The following TRPM7 variants were observed in gnomAD, a reference collection of about 807,000 sequenced individuals.
TRPM7 encodes the protein transient receptor potential cation channel subfamily M member 7, also known as LTRPC ion channel family member 7.
In TRPM7, 134 loss-of-function variants were observed where a neutral mutation model predicts 229.7. That is an observed-to-expected ratio of 0.58 (90% CI 0.51 to 0.67). The LOEUF (loss-of-function observed/expected upper bound fraction) is 0.67. Among genes scored for constraint, TRPM7 ranks in the 30% least tolerant of loss-of-function variants. The pLI is 0.00. For synonymous variants in TRPM7, 699 were observed against 715.2 expected, an observed-to-expected ratio of 0.98 and a Z score of 0.36; for missense variants, 1,901 against 2,210.0, an observed-to-expected ratio of 0.86 and a Z score of 2.80.
intron 6 of TRPM7, 42 bp downstream of exon 6, chr15:50,639,382 C>A: frequency 6.8e-7 from 1 of 1,478,720 alleles, no homozygotes; most frequent in Non-Finnish European, 9.1e-7. Context: ...ATTTTGTTTA[C>A]ATATAATTTC....
chr15:50,584,827 G>T (rs906520512), intron 28 of TRPM7, among the ~76,000 whole-genome samples: 2 of 151,842 alleles, frequency 1.3e-5, no homozygotes, highest in Non-Finnish European at 2.9e-5. Flanking sequence ...TAAATACTGA[G>T]AATTCTTTTT....
At chr15:50,607,372 A>G (rs1260865632) in intron 19 of TRPM7, 44 bp from the exon 20 acceptor site, 3 of 1,451,688 alleles carry the variant, frequency 2.1e-6, no homozygotes, top group Admixed American at 2.4e-5. Flanking sequence ...TGGTTACAAA[A>G]TAAATCTTTT....
rs78435257 is a variant in TRPM7 at position 50,580,924 on chromosome 15, A to C, written c.4558-16T>G. On this transcript the variant is annotated splice_polypyrimidine_tract_variant and intron_variant, in intron 29 of 38. Transcript: ENST00000646667. ...GTAACCAATCCTTCAGTAAAAAAAA[A>C]ACACACACACACAAAAACCTTAAAG... The C allele has an allele frequency of 3.5e-4, 544 of 1,570,832 alleles. 1 individual carries two copies. In the African/African-American group the frequency reaches 5.0e-3, roughly 14 times the overall value.
At chr15:50,628,827 T>C (rs1285141899) in intron 10 of TRPM7, among the ~76,000 whole-genome samples, 1 of 152,214 alleles carries the variant, frequency 6.6e-6, no homozygotes, top group Non-Finnish European at 1.5e-5. Context: ...GAGATAGCGC[T>C]ATTAGGATTC....
chr15:50,633,661 T>G (rs547624390), intron 8 of TRPM7, among the ~76,000 whole-genome samples: 2 of 152,334 alleles, frequency 1.3e-5, no homozygotes, highest in East Asian at 3.9e-4. Flanking sequence ...TATAAACCAT[T>G]TCTTTGTATA....
At chr15:50,636,765 C>T (rs1346821951) in intron 7 of TRPM7, among the ~76,000 whole-genome samples, 2 of 152,274 alleles carry the variant, frequency 1.3e-5, no homozygotes, top group South Asian at 2.1e-4. Flanking sequence ...TTATTTCTTT[C>T]AGTGATTTTT....
chr15:50,574,754 AT>A, intron 34 of TRPM7, 35 bp from the exon 35 acceptor site: 1 of 1,592,480 alleles, frequency 6.3e-7, no homozygotes, highest in Non-Finnish European at 8.6e-7. Flanking sequence ...CCCTTGTTTA[AT>A]ATTTAAACTA....
chr15:50,678,671 G>A (rs1050805329), intron 1 of TRPM7, among the ~76,000 whole-genome samples: 7 of 151,894 alleles, frequency 4.6e-5, no homozygotes, highest in African/African-American at 1.7e-4. Context: ...CCCTATGAGA[G>A]TTTTAAAGAT....
At chr15:50,660,010 A>G (rs1179160505) in intron 2 of TRPM7, among the ~76,000 whole-genome samples, 1 of 152,156 alleles carries the variant, frequency 6.6e-6, no homozygotes, top group East Asian at 1.9e-4. Flanking sequence ...ATTTCTCCGG[A>G]AGAAAAATGG....
intron 20 of TRPM7, 73 bp downstream of exon 20, chr15:50,607,127 C>A: frequency 3.5e-6 from 5 of 1,439,524 alleles, no homozygotes; most frequent in Middle Eastern, 1.8e-4. Context: ...TACGTATACA[C>A]CCAAAACAAA....
At chr15:50,593,824 T>G (rs1055820807) in intron 24 of TRPM7, 75 bp from the exon 25 acceptor site, 1 of 1,435,680 alleles carries the variant, frequency 7.0e-7, no homozygotes. Flanking sequence ...TTCTTACGAA[T>G]TATTCAGGGT....
rs752951879 is a variant in TRPM7 at position 50,632,967 on chromosome 15, C to T, written c.1033G>A (p.Asp345Asn). The T allele has an allele frequency of 1.9e-6, 3 of 1,595,484 alleles. No individual in the cohort carries two copies. In the South Asian group the frequency reaches 3.4e-5, roughly 18 times the overall value. Residue 345 changes from aspartate (D) to asparagine (N), a missense_variant, in exon 9 of 39, where the codon GAT becomes AAT. Physicochemically the swap from Asp to Asn is conservative, Grantham distance 23 (BLOSUM62 1). Around this residue, in one of 8 missense-constraint regions of TRPM7, gnomAD observed 794 missense variants for 881.9 expected, o/e 0.90. Transcript: ENST00000646667. ...GTTTTTTTGATAGTGGAAATAATATCGGGCTCTGCTGCATCAGGAAGATTC... is the reference window on the plus strand; with the variant it reads ...GTTTTTTTGATAGTGGAAATAATATTGGGCTCTGCTGCATCAGGAAGATTC... ...GGNLPDAAEP[D>N]IISTIKKTFN...
chr15:50,560,609 A>C lies in TRPM7; in HGVS notation c.*1069T>G, dbSNP rs1337794710. On this transcript the variant is annotated 3_prime_UTR_variant, in exon 39 of 39. Coordinates refer to ENST00000646667, the MANE Select transcript of TRPM7 (RefSeq NM_017672.6). Reference sequence around the variant, plus strand: ...TTTTCTTGTTATTGTTGAATATTCAACAATATCTGGGGCTGTTAAATTACA... The same window carrying C: ...TTTTCTTGTTATTGTTGAATATTCACCAATATCTGGGGCTGTTAAATTACA... 1 of 152,626 alleles carries C rather than the reference A, an allele frequency of 6.6e-6. No homozygotes were observed. Among genetic ancestry groups the C allele is most frequent in the Admixed American group, 6.5e-5 (1 of 15,278 alleles). 9.5% of individuals were successfully genotyped at this position (152,626 alleles called of 1,614,324 possible). A position where few individuals can be genotyped will look rare whatever the true frequency, so the allele number is the denominator to read the frequency against.
intron 38 of TRPM7, among the ~76,000 whole-genome samples, chr15:50,564,047 G>T (rs1308676156): frequency 6.6e-6 from 1 of 151,838 alleles, no homozygotes; most frequent in African/African-American, 2.4e-5. Flanking sequence ...TTTTAGTAGA[G>T]ACTGGTTTTT....
At chr15:50,570,793 T>G (rs533913009) in intron 36 of TRPM7, among the ~76,000 whole-genome samples, 1 of 150,656 alleles carries the variant, frequency 6.6e-6, no homozygotes, top group African/African-American at 2.5e-5. Flanking sequence ...AGGCGGAGGT[T>G]GCAGTGAGCC....
chr15:50,604,915 A>G lies in TRPM7; in HGVS notation c.2939T>C (p.Leu980Pro). 1.2e-6 allele frequency: 2 copies of G among 1,612,034 alleles called. No homozygotes were observed. Among genetic ancestry groups the G allele is most frequent in the Non-Finnish European group, 1.7e-6 (2 of 1,179,010 alleles). The change falls in exon 21 of 39, where the codon CTA becomes CCA. Residue 980 changes from leucine (L) to proline (P), a missense_variant. Physicochemically the swap from Leu to Pro is moderately conservative, Grantham distance 98. Transcript: ENST00000646667. ...IFWYVRLLDF[L>P]AVNQQAGPYV... ...AGGTCCTGCCTGTTGATTTACAGCT[A>G]GAAAATCTAGCAAACGCACATACCA...
At chr15:50,621,085 TG>T (rs1363539049) in intron 12 of TRPM7, among the ~76,000 whole-genome samples, 1 of 126,212 alleles carries the variant, frequency 7.9e-6, no homozygotes, top group Non-Finnish European at 1.6e-5. Flanking sequence ...CGTGAACCCC[TG>T]GGGGCGGAGC....
At chr15:50,662,343 TA>T (rs1330233298) in intron 2 of TRPM7, among the ~76,000 whole-genome samples, 1 of 147,396 alleles carries the variant, frequency 6.8e-6, no homozygotes, top group Non-Finnish European at 1.5e-5. Flanking sequence ...AAAAAAAAGG[TA>T]AAAAGAATAA....
chr15:50,607,756 G>A (rs2059954813), intron 19 of TRPM7, among the ~76,000 whole-genome samples: 1 of 151,740 alleles, frequency 6.6e-6, no homozygotes, highest in African/African-American at 2.4e-5. Context: ...TCCTAAAAAA[G>A]ACAACTGGGG....
Sources: allele counts gnomAD v4.1 joint callset (sites outside exome capture counted in the v4.1 genomes callset), GRCh38; gene constraint gnomAD v4.1.1; regional missense constraint gnomAD v4.1.1; transcripts MANE v1.5; gene names NCBI Gene and HGNC (gene_info 2026-07-23, HGNC 2026-07-21).